The following GRAMD2B variants were observed in gnomAD, a reference collection of about 807,000 sequenced individuals.
GRAMD2B encodes GRAM domain-containing protein 2B.
In GRAMD2B, 41 loss-of-function variants were observed where a neutral mutation model predicts 59.2. The ratio of observed to expected loss-of-function variants is 0.69; its 90% confidence interval spans 0.54 to 0.90. The LOEUF (loss-of-function observed/expected upper bound fraction) is 0.90. GRAMD2B is among the 40% of genes least tolerant of loss of function. The pLI, the probability that GRAMD2B is intolerant of heterozygous loss-of-function variation, is 0.00. For synonymous variants in GRAMD2B, 161 were observed against 182.7 expected (o/e 0.88, Z 0.96); for missense variants, 424 against 500.5 (o/e 0.85, Z 1.46).
At chr5:126,484,598 T>C in intron 10 of GRAMD2B, 74 bp downstream of exon 10, 2 of 1,398,988 alleles carry the variant, frequency 1.4e-6, no homozygotes, top group Non-Finnish European at 1.9e-6. Context: ...TTTTTTTTTT[T>C]TAGACAGCAT....
At chr5:126,482,375 T>C (rs935004256) in intron 8 of GRAMD2B, among the ~76,000 whole-genome samples, 1 of 152,190 alleles carries the variant, frequency 6.6e-6, no homozygotes, top group Non-Finnish European at 1.5e-5. Flanking sequence ...AAAACAGTGG[T>C]GGGAAGCAGT....
intron 1 of GRAMD2B, among the ~76,000 whole-genome samples, chr5:126,409,602 G>C (rs1304709122): frequency 6.6e-6 from 1 of 152,198 alleles, no homozygotes; most frequent in East Asian, 1.9e-4. Context: ...TTTGTCAGAT[G>C]AGTAGGTTGC....
At chr5:126,435,022 A>C (rs1347480768) in intron 1 of GRAMD2B, among the ~76,000 whole-genome samples, 1 of 152,152 alleles carries the variant, frequency 6.6e-6, no homozygotes, top group Non-Finnish European at 1.5e-5. Flanking sequence ...TGAGTTTGAC[A>C]CTGTACTGTT....
intron 8 of GRAMD2B, among the ~76,000 whole-genome samples, chr5:126,482,817 A>G (rs1772139226): frequency 6.6e-6 from 1 of 152,194 alleles, no homozygotes; most frequent in African/African-American, 2.4e-5. Flanking sequence ...TAATGACACC[A>G]TTTGTCTCTT....
intron 1 of GRAMD2B, among the ~76,000 whole-genome samples, chr5:126,374,380 T>G (rs1443056369): frequency 1.3e-5 from 2 of 152,222 alleles, no homozygotes; most frequent in Non-Finnish European, 2.9e-5. Context: ...AATGCCTACT[T>G]ATGAATTTAT....
chr5:126,459,570 A>C (rs1210821527), intron 1 of GRAMD2B, among the ~76,000 whole-genome samples: 1 of 152,274 alleles, frequency 6.6e-6, no homozygotes, highest in Non-Finnish European at 1.5e-5. Flanking sequence ...CAAACAGCTA[A>C]TTCACAAAAC....
At position 126,363,883 on chromosome 5, in the gene GRAMD2B, G is replaced by A. The variant is rs140709780; in HGVS notation, c.128+3424G>A. ...AAGGTTTCTTTTGAGTCATGAAAAT[G>A]TTCTAAAATTAGATGGTGGTGATGG... On this transcript the variant is annotated intron_variant, in intron 1 of 13. Coordinates refer to the GRAMD2B transcript ENST00000513040. 6.3e-3 allele frequency among the ~76,000 whole-genome samples: 952 copies of A among 152,256 alleles called. 5 individuals are homozygous for A. Among genetic ancestry groups the A allele is most frequent in the Non-Finnish European group, 8.1e-3 (552 of 68,010 alleles).
chr5:126,410,809 A>C (rs1328330847), intron 1 of GRAMD2B, among the ~76,000 whole-genome samples: 3 of 151,904 alleles, frequency 2.0e-5, no homozygotes, highest in African/African-American at 7.3e-5. Context: ...AACCATTCCA[A>C]CTGGTATGAT....
chr5:126,492,194 T>C (rs565731966), intron 13 of GRAMD2B, among the ~76,000 whole-genome samples: 1 of 152,192 alleles, frequency 6.6e-6, no homozygotes, highest in Non-Finnish European at 1.5e-5. Context: ...TAATATCTAA[T>C]TGGAGTAACA....
chr5:126,385,648 G>T (rs1022961323), intron 1 of GRAMD2B, among the ~76,000 whole-genome samples: 20 of 152,158 alleles, frequency 1.3e-4, no homozygotes, highest in African/African-American at 4.6e-4. Flanking sequence ...AGTATTTATT[G>T]TGTAATAAGG....
chr5:126,483,350 C>A, intron 8 of GRAMD2B, 113 bp from the exon 9 acceptor site: 1 of 542,850 alleles, frequency 1.8e-6, no homozygotes, highest in South Asian at 3.1e-5. Flanking sequence ...GTAATCCTTC[C>A]TTCTATTCTA....
Position 126,494,267 on chromosome 5 carries a change from T to C in GRAMD2B, c.*1311T>C, listed in dbSNP as rs1774379281. ...TACTACCAACTCACTTATACTTCCT[T>C]CCTCCCAAGTAATCATTTCAAAACT... On this transcript the variant is annotated 3_prime_UTR_variant, in exon 14 of 14. Coordinates refer to ENST00000285689, the MANE Select transcript of GRAMD2B (RefSeq NM_023927.4). 1 of 151,672 alleles carries C rather than the reference T, an allele frequency of 6.6e-6. No individual in the cohort carries two copies. Among genetic ancestry groups the C allele is most frequent in the Non-Finnish European group, 1.5e-5 (1 of 67,946 alleles). 9.4% of individuals were successfully genotyped at this position (151,672 alleles called of 1,614,324 possible).
chr5:126,462,579 T>A, intron 1 of GRAMD2B: 2 of 268,364 alleles, frequency 7.5e-6, no homozygotes, highest in Non-Finnish European at 1.1e-5. Context: ...ACTACATAAT[T>A]AATCCATATC....
At chr5:126,472,874 T>C (rs541253182) in intron 4 of GRAMD2B, among the ~76,000 whole-genome samples, 14 of 152,326 alleles carry the variant, frequency 9.2e-5, no homozygotes, top group African/African-American at 3.4e-4. Flanking sequence ...GTGTGGGTTA[T>C]GTGCTCTTCC....
At chr5:126,367,085 T>C (rs560885451), upstream of GRAMD2B, among the ~76,000 whole-genome samples, 1 of 151,892 alleles carries the variant, frequency 6.6e-6, no homozygotes, top group African/African-American at 2.4e-5. Context: ...TCGAACTCTT[T>C]ATCTCAGGTG....
chr5:126,477,910 C>A, intron 6 of GRAMD2B, 123 bp downstream of exon 6: 1 of 671,916 alleles, frequency 1.5e-6, no homozygotes, highest in South Asian at 1.7e-5. Flanking sequence ...TGTGGTGAAT[C>A]AGGAAAATTC....
intron 1 of GRAMD2B, among the ~76,000 whole-genome samples, chr5:126,388,835 G>C (rs746180817): frequency 1.3e-5 from 2 of 151,838 alleles, no homozygotes; most frequent in East Asian, 3.8e-4. Flanking sequence ...AAGAACTAAA[G>C]CTTCCAAAAA....
At chr5:126,386,427 A>G (rs2149711279) in intron 1 of GRAMD2B, among the ~76,000 whole-genome samples, 1 of 152,322 alleles carries the variant, frequency 6.6e-6, no homozygotes, top group South Asian at 2.1e-4. Context: ...GCCAAATCCT[A>G]GCCTCTTAAA....
At chr5:126,452,544 G>T (rs1357376033) in intron 1 of GRAMD2B, among the ~76,000 whole-genome samples, 1 of 152,080 alleles carries the variant, frequency 6.6e-6, no homozygotes, top group Admixed American at 6.5e-5. Context: ...CCATGGCAGG[G>T]CCTTTTATTC....
Sources: allele counts gnomAD v4.1 joint callset (sites outside exome capture counted in the v4.1 genomes callset), GRCh38; gene constraint gnomAD v4.1.1; transcripts MANE v1.5; gene names NCBI Gene and HGNC (gene_info 2026-07-23, HGNC 2026-07-21).